The following CDH2 variants were observed in gnomAD, a reference collection of about 807,000 sequenced individuals.
The protein encoded by CDH2 is cadherin-2.
Under a neutral mutation model 92.0 loss-of-function variants are expected in CDH2, and 17 were observed. The observed-to-expected ratio is 0.18, with a 90% CI of 0.13 to 0.28. CDH2 has a LOEUF of 0.28. Ranked by LOEUF, CDH2 falls within the 10% of genes least tolerant of loss-of-function variation. The pLI, the probability that CDH2 is intolerant of heterozygous loss-of-function variation, is 1.00. For missense variants in CDH2, 862 were observed against 1,133.1 expected, an observed-to-expected ratio of 0.76 and a Z score of 3.44; for synonymous variants, 419 against 415.9, an observed-to-expected ratio of 1.01 and a Z score of -0.09.
chr18:28,144,143 G>A (rs1035516097), intron 2 of CDH2, among the ~76,000 whole-genome samples: 2 of 151,116 alleles, frequency 1.3e-5, no homozygotes, highest in Non-Finnish European at 2.9e-5. Flanking sequence ...CTGCACATGT[G>A]TCCCAGAACT....
At chr18:28,036,162 T>C (rs2013821771) in intron 2 of CDH2, among the ~76,000 whole-genome samples, 1 of 152,160 alleles carries the variant, frequency 6.6e-6, no homozygotes, top group Non-Finnish European at 1.5e-5. Flanking sequence ...AAAATGTATC[T>C]CTTGTTTTGA....
chr18:28,056,046 T>C (rs2014286704), intron 2 of CDH2, among the ~76,000 whole-genome samples: 1 of 152,028 alleles, frequency 6.6e-6, no homozygotes, highest in Admixed American at 6.6e-5. Context: ...AAACACGTTT[T>C]TGGTAAGTGA....
intron 2 of CDH2, among the ~76,000 whole-genome samples, chr18:28,096,847 C>T (rs1319570899): frequency 6.6e-6 from 1 of 152,272 alleles, no homozygotes; most frequent in African/African-American, 2.4e-5. Context: ...ATTTGCTCTT[C>T]TGTAGCAGCA....
chr18:28,083,782 C>T (rs1345264741), intron 2 of CDH2, among the ~76,000 whole-genome samples: 1 of 152,124 alleles, frequency 6.6e-6, no homozygotes. Context: ...TCTGCTGAGG[C>T]AAATGGACAT....
At chr18:28,082,037 T>C (rs1294725801) in intron 2 of CDH2, among the ~76,000 whole-genome samples, 1 of 152,198 alleles carries the variant, frequency 6.6e-6, no homozygotes, top group Non-Finnish European at 1.5e-5. Flanking sequence ...AAAATCTTGC[T>C]ATAAACTACT....
At chr18:28,029,227 G>A (rs1250040068) in intron 2 of CDH2, among the ~76,000 whole-genome samples, 1 of 152,060 alleles carries the variant, frequency 6.6e-6, no homozygotes, top group Non-Finnish European at 1.5e-5. Flanking sequence ...ACAAGCACAA[G>A]TAGTATATGG....
intron 2 of CDH2, among the ~76,000 whole-genome samples, chr18:28,064,256 T>A (rs2014463086): frequency 6.6e-6 from 1 of 152,144 alleles, no homozygotes; most frequent in Non-Finnish European, 1.5e-5. Flanking sequence ...TTTTCTCATC[T>A]CTTTTTAAAA....
intron 5 of CDH2, among the ~76,000 whole-genome samples, chr18:28,008,564 G>A (rs2013006992): frequency 6.6e-6 from 1 of 152,026 alleles, no homozygotes; most frequent in African/African-American, 2.4e-5. Context: ...TTAGACACAG[G>A]GTGGAGAACA....
At chr18:27,933,852 C>T (rs528824351) in intron 6 of CDH2, among the ~76,000 whole-genome samples, 22 of 152,224 alleles carry the variant, frequency 1.4e-4, no homozygotes, top group African/African-American at 4.1e-4. Context: ...TTTCCAAACC[C>T]GATAAGTATT....
intron 1 of CDH2, among the ~76,000 whole-genome samples, chr18:28,150,223 G>GGCCGGAGCCCAGAAAC (rs1247865808): frequency 2.0e-5 from 3 of 152,210 alleles, no homozygotes; most frequent in Non-Finnish European, 2.9e-5. Context: ...TGACAGGTCA[G>GGCCGGAGCCCAGAAAC]GCCGGAGCCC....
At position 28,009,697 on chromosome 18, in the gene CDH2, T is replaced by A. The variant is rs762148387; in HGVS notation, c.702+20A>T. 1 of 1,611,158 alleles carries A rather than the reference T, an allele frequency of 6.2e-7. No individual in the cohort carries two copies. The highest frequency in any genetic ancestry group is 8.5e-7 in the Non-Finnish European group (1 of 1,178,140). On this transcript the variant is annotated intron_variant, in intron 5 of 15. Transcript: ENST00000269141. ...TTAGAACTGTTAATACACAGAATTA[T>A]CAGCTGGTTGGAATCTTACATGAAA...
chr18:27,935,306 A>C (rs1908991459), intron 6 of CDH2, among the ~76,000 whole-genome samples: 1 of 152,156 alleles, frequency 6.6e-6, no homozygotes, highest in Non-Finnish European at 1.5e-5. Context: ...AGCAAAGGGG[A>C]AGCAGACACA....
At chr18:28,020,201 A>T (rs141688913) in intron 2 of CDH2, among the ~76,000 whole-genome samples, 27 of 152,190 alleles carry the variant, frequency 1.8e-4, no homozygotes, top group African/African-American at 6.3e-4. Flanking sequence ...AAACACTAAA[A>T]CTTACTCAAG....
Position 27,997,477 on chromosome 18 carries a change from T to C in CDH2, c.1021-3840A>G, listed in dbSNP as rs552604736. ...GTAGGAAGAAGTAATATGAAGAACC[T>C]TCAATAGTGCATACCAACTATCAGG... is the stretch of plus-strand genomic sequence containing the variant. On this transcript the variant is annotated intron_variant, in intron 7 of 15. Coordinates refer to ENST00000269141, the MANE Select transcript of CDH2 (RefSeq NM_001792.5). 7.9e-5 allele frequency among the ~76,000 whole-genome samples: 12 copies of C among 152,308 alleles called. No homozygotes were observed. The East Asian group carries it at 1.7e-3, about 22-fold the overall frequency.
intron 2 of CDH2, chr18:28,045,489 G>T: frequency 4.3e-6 from 2 of 459,968 alleles, no homozygotes; most frequent in East Asian, 1.4e-4. Context: ...TCTTGTAAAT[G>T]AACTTCATTT....
intron 2 of CDH2, among the ~76,000 whole-genome samples, chr18:28,064,101 C>A (rs2014458158): frequency 6.7e-6 from 1 of 149,646 alleles, no homozygotes; most frequent in African/African-American, 2.5e-5. Context: ...TGAGAAACAT[C>A]TGGAAATCTC....
rs543694465 is a variant in CDH2 at position 28,153,264 on chromosome 18, CTTT to C, written c.61-5483_61-5481del. 3.1e-3 allele frequency among the ~76,000 whole-genome samples: 467 copies of C among 151,600 alleles called. 3 individuals carry two copies. The highest frequency in any genetic ancestry group is 0.011 in the African/African-American group (438 of 41,364). On this transcript the variant is annotated intron_variant, in intron 1 of 15. Transcript: ENST00000269141. ...TGTAGTCCACCAAAACCATCCTGAT[CTTT>C]TTTTTTCTAGGCAACTGTTAAGTTA...
downstream of CDH2, among the ~76,000 whole-genome samples, chr18:27,947,670 A>G (rs1364408907): frequency 5.3e-5 from 8 of 151,480 alleles, no homozygotes; most frequent in Non-Finnish European, 1.0e-4. Context: ...TATATGTGAT[A>G]TAAGTATATG....
At chr18:27,970,077 G>A (rs2011620058) in intron 14 of CDH2, among the ~76,000 whole-genome samples, 1 of 152,110 alleles carries the variant, frequency 6.6e-6, no homozygotes, top group African/African-American at 2.4e-5. Context: ...AAGTGAAGAT[G>A]TCAGAAGCTA....
Sources: allele counts gnomAD v4.1 joint callset (sites outside exome capture counted in the v4.1 genomes callset), GRCh38; gene constraint gnomAD v4.1.1; transcripts MANE v1.5; gene names NCBI Gene and HGNC (gene_info 2026-07-23, HGNC 2026-07-21).